DSCAM: variants seen among roughly 807,000 people sequenced by gnomAD.
DSCAM encodes the protein cell adhesion molecule DSCAM.
A neutral mutation model predicts 217.7 loss-of-function variants in DSCAM; 47 were observed. The observed-to-expected ratio is 0.22, with a 90% CI of 0.17 to 0.28. The LOEUF is 0.28. Ranked by LOEUF, DSCAM falls within the 10% of genes least tolerant of loss-of-function variation. The pLI, the probability that DSCAM is intolerant of heterozygous loss-of-function variation, is 1.00. For missense variants in DSCAM, 2,080 were observed against 2,618.3 expected, an observed-to-expected ratio of 0.79 and a Z score of 4.49; for synonymous variants, 1,056 against 1,015.3, an observed-to-expected ratio of 1.04 and a Z score of -0.76.
At chr21:40,030,806 TCTCCCTCAGA>T (rs2088507992) in intron 32 of DSCAM, among the ~76,000 whole-genome samples, 1 of 152,108 alleles carries the variant, frequency 6.6e-6, no homozygotes, top group South Asian at 2.1e-4. Context: ...TCTTAGTAAC[TCTCCCTCAGA>T]CTCAGAAAGT....
At position 40,641,783 on chromosome 21, in the gene DSCAM, T is replaced by A. The variant is rs9808800; in HGVS notation, c.508+51027A>T. Among the ~76,000 whole-genome samples, 605 of 152,272 alleles carry A rather than the reference T, an allele frequency of 4.0e-3. 4 individuals are homozygous for A. Among genetic ancestry groups the A allele is most frequent in the East Asian group, 0.013 (65 of 5,174 alleles). On this transcript the variant is annotated intron_variant, in intron 3 of 32. Coordinates refer to ENST00000400454, the MANE Select transcript of DSCAM (RefSeq NM_001389.5). Reference sequence around the variant, plus strand: ...ATATGTATTTCAAAGTTTACACTCATCATGCCTGTAATCCCAGCACTACGG... The same window carrying A: ...ATATGTATTTCAAAGTTTACACTCAACATGCCTGTAATCCCAGCACTACGG...
chr21:40,308,850 C>T (rs1212114253), intron 9 of DSCAM, among the ~76,000 whole-genome samples: 1 of 152,112 alleles, frequency 6.6e-6, no homozygotes, highest in East Asian at 1.9e-4. Context: ...ACTTCTTTGA[C>T]CCAAAACATC....
intron 27 of DSCAM, among the ~76,000 whole-genome samples, chr21:40,064,419 C>T (rs191525347): frequency 1.3e-4 from 20 of 152,318 alleles, no homozygotes; most frequent in African/African-American, 4.6e-4. Flanking sequence ...TCAGTCATCA[C>T]AGCTCTCTCC....
At chr21:40,458,621 A>C (rs1389016909) in intron 3 of DSCAM, among the ~76,000 whole-genome samples, 1 of 152,198 alleles carries the variant, frequency 6.6e-6, no homozygotes, top group Non-Finnish European at 1.5e-5. Context: ...TGTTAGACCT[A>C]TTAAGTAAAT....
chr21:40,838,409 G>C (rs2092073756), intron 1 of DSCAM, among the ~76,000 whole-genome samples: 1 of 152,188 alleles, frequency 6.6e-6, no homozygotes, highest in African/African-American at 2.4e-5. Flanking sequence ...CCTAACACCA[G>C]CTTCTACCTG....
At chr21:40,811,755 T>C (rs1256353108) in intron 1 of DSCAM, among the ~76,000 whole-genome samples, 2 of 152,204 alleles carry the variant, frequency 1.3e-5, no homozygotes, top group African/African-American at 4.8e-5. Context: ...TTTTGGTTTT[T>C]TGAGAAATCT....
chr21:40,316,975 G>A (rs889875967), intron 8 of DSCAM, among the ~76,000 whole-genome samples: 7 of 152,206 alleles, frequency 4.6e-5, no homozygotes, highest in African/African-American at 1.7e-4. Flanking sequence ...AATTCTGGGT[G>A]ATTAGCAGTG....
intron 8 of DSCAM, among the ~76,000 whole-genome samples, chr21:40,328,982 A>T (rs1327671879): frequency 1.3e-5 from 2 of 152,258 alleles, no homozygotes; most frequent in Admixed American, 6.5e-5. Flanking sequence ...CACACATGTT[A>T]GAATGGCTAT....
chr21:40,798,331 C>T (rs555044023), intron 1 of DSCAM, among the ~76,000 whole-genome samples: 2 of 152,068 alleles, frequency 1.3e-5, no homozygotes, highest in Admixed American at 1.3e-4. Context: ...CAGACACACC[C>T]TAAATGAAAA....
intron 1 of DSCAM, among the ~76,000 whole-genome samples, chr21:40,797,988 T>C (rs2091706669): frequency 6.6e-6 from 1 of 152,134 alleles, no homozygotes; most frequent in South Asian, 2.1e-4. Flanking sequence ...TTACTTTTTT[T>C]AGGTATTTAA....
chr21:40,521,567 T>G (rs1315892661), intron 3 of DSCAM, among the ~76,000 whole-genome samples: 1 of 152,074 alleles, frequency 6.6e-6, no homozygotes, highest in Non-Finnish European at 1.5e-5. Context: ...TCTTTTTAAT[T>G]TTTTTTGCTG....
At chr21:40,663,877 T>C (rs879038969) in intron 3 of DSCAM, among the ~76,000 whole-genome samples, 1 of 152,190 alleles carries the variant, frequency 6.6e-6, no homozygotes, top group East Asian at 1.9e-4. Flanking sequence ...GACTTTTTTT[T>C]GATTTCTGTT....
intron 18 of DSCAM, among the ~76,000 whole-genome samples, chr21:40,134,633 G>A (rs1175459008): frequency 6.6e-6 from 1 of 152,132 alleles, no homozygotes; most frequent in Non-Finnish European, 1.5e-5. Context: ...CTGAAACTTT[G>A]TATCATTTGG....
At chr21:40,641,368 T>A (rs2089877665) in intron 3 of DSCAM, among the ~76,000 whole-genome samples, 1 of 152,154 alleles carries the variant, frequency 6.6e-6, no homozygotes, top group African/African-American at 2.4e-5. Context: ...CCACTAATTG[T>A]AGGAAAAGGT....
rs78185346 is a variant in DSCAM, at chr21:40,313,280, A to G, written c.1784-921T>C. Among the ~76,000 whole-genome samples the G allele has an allele frequency of 5.0e-3, 757 of 152,224 alleles. 7 individuals carry two copies. The highest frequency in any genetic ancestry group is 0.018 in the African/African-American group (727 of 41,520). On this transcript the variant is annotated intron_variant, in intron 8 of 32. Coordinates refer to ENST00000400454, the MANE Select transcript of DSCAM (RefSeq NM_001389.5). Reference sequence around the variant, plus strand: ...TAGTTTTGCACACTTTACGTGTGTAACTTTTAATTGTGAACTGGTCCGTGG... The same window carrying G: ...TAGTTTTGCACACTTTACGTGTGTAGCTTTTAATTGTGAACTGGTCCGTGG...
At chr21:40,305,114 G>A (rs924338854) in intron 9 of DSCAM, among the ~76,000 whole-genome samples, 3 of 152,132 alleles carry the variant, frequency 2.0e-5, no homozygotes, top group Admixed American at 2.0e-4. Flanking sequence ...GTGTGGCCGG[G>A]CATGGTGGCT....
intron 3 of DSCAM, among the ~76,000 whole-genome samples, chr21:40,582,763 T>G (rs1172076964): frequency 1.3e-5 from 2 of 152,166 alleles, no homozygotes; most frequent in African/African-American, 4.8e-5. Flanking sequence ...TTTTGAACAT[T>G]GCCTTACTAG....
At position 40,548,339 on chromosome 21, in the gene DSCAM, T is replaced by A. The variant is rs113503504; in HGVS notation, c.508+144471A>T. The stretch of plus-strand genomic sequence containing the variant: ...GAGCCATCGACTCCTCCCAAGGGGG[T>A]TCGGCTTGGTACTGATCTTTAAGTA... On this transcript the variant is annotated intron_variant, in intron 3 of 32. Transcript: ENST00000400454. Among the ~76,000 whole-genome samples the A allele has an allele frequency of 4.7e-3, 712 of 152,024 alleles. 6 individuals are homozygous for A. Among genetic ancestry groups the A allele is most frequent in the African/African-American group, 0.016 (664 of 41,458 alleles).
rs370981354 is a variant in DSCAM at position 40,680,390 on chromosome 21, G to T, written c.508+12420C>A. 2.6e-5 allele frequency among the ~76,000 whole-genome samples: 4 copies of T among 152,212 alleles called. No homozygotes were observed. The East Asian group carries it at 7.7e-4, about 29-fold the overall frequency. On this transcript the variant is annotated intron_variant, in intron 3 of 32. Coordinates refer to ENST00000400454, the MANE Select transcript of DSCAM (RefSeq NM_001389.5). ...CATCTTTATAAAAACACAGTACCCA[G>T]GTCCACAGAGAGGTATTTAACTATG...
Sources: gnomAD v4.1 joint callset for allele counts (sites outside exome capture counted in the v4.1 genomes callset) on GRCh38, gnomAD v4.1.1 for gene constraint, MANE v1.5 for transcripts, NCBI Gene and HGNC (gene_info 2026-07-23, HGNC 2026-07-21) for gene names.